LAMA5: variants seen among roughly 807,000 people sequenced by gnomAD.
LAMA5 encodes laminin subunit alpha-5.
LAMA5 carries 260 observed loss-of-function variants against 433.4 expected under a neutral mutation model. The ratio of observed to expected loss-of-function variants is 0.60; its 90% confidence interval spans 0.54 to 0.66. The LOEUF (loss-of-function observed/expected upper bound fraction) is 0.66, where lower values mean the gene tolerates loss of function less well. Ranked by LOEUF, LAMA5 falls within the 30% of genes least tolerant of loss-of-function variation. LAMA5 has a pLI of 0.00. For synonymous variants in LAMA5, 2,620 were observed against 2,226.6 expected, an observed-to-expected ratio of 1.18 and a Z score of -4.97; for missense variants, 5,378 against 5,258.5, an observed-to-expected ratio of 1.02 and a Z score of -0.70.
At chr20:62,350,814 G>A (rs974596615) in intron 6 of LAMA5, among the ~76,000 whole-genome samples, 3 of 152,242 alleles carry the variant, frequency 2.0e-5, no homozygotes, top group Admixed American at 6.5e-5. Flanking sequence ...CCCCGGAACA[G>A]GTGCTCCTGA....
intron 3 of LAMA5, 83 bp from the exon 4 acceptor site, chr20:62,352,443 C>CG: frequency 9.8e-7 from 1 of 1,019,266 alleles, no homozygotes. Context: ...TTGACGTCTC[C>CG]GGGCCTTGCC....
chr20:62,333,310 G>GA (rs747191946), intron 25 of LAMA5, 65 bp downstream of exon 25: 58 of 1,597,012 alleles, frequency 3.6e-5, no homozygotes, highest in Non-Finnish European at 4.6e-5. Context: ...CTGAGTGGGG[G>GA]AAGCCAGGCA....
chr20:62,349,270 CAAAAAAAAA>C (rs35537683), intron 6 of LAMA5, among the ~76,000 whole-genome samples: 3 of 46,588 alleles, frequency 6.4e-5, no homozygotes, highest in African/African-American at 2.1e-4. Context: ...GACTCCATCT[CAAAAAAAAA>C]AAAAAAAAAA....
chr20:62,328,357 G>C lies in LAMA5; in HGVS notation c.4536C>G (p.Cys1512Trp). 1 of 1,591,246 alleles carries C rather than the reference G, an allele frequency of 6.3e-7. No homozygotes were observed. Among genetic ancestry groups the C allele is most frequent in the Non-Finnish European group, 8.6e-7 (1 of 1,169,162 alleles). ...GGTGGCAGCCAAAGGTCTGGGGCTG[G>C]CACAGCAGGCAGTCGGGCGGGATGG... ...PRTIPPDCLL[C>W]QPQTFGCHPL... The change falls in exon 35 of 80, where the codon TGC becomes TGG. Residue 1512 changes from cysteine to tryptophan, a missense_variant. Cys to Trp is a radical substitution (Grantham distance 215, BLOSUM62 -2). Coordinates refer to ENST00000252999, the MANE Select transcript of LAMA5 (RefSeq NM_005560.6).
At chr20:62,316,308 T>A in intron 57 of LAMA5, 2 of 568,854 alleles carry the variant, frequency 3.5e-6, no homozygotes, top group South Asian at 4.3e-5. Context: ...CAATAGAGGC[T>A]CAGAAGAGAC....
chr20:62,326,987 G>GGT (rs1979411940), intron 38 of LAMA5, 21 bp from the exon 39 acceptor site: 2 of 1,550,552 alleles, frequency 1.3e-6, no homozygotes, highest in African/African-American at 2.7e-5. Flanking sequence ...GACAGACAGA[G>GGT]GTGACCTGGC....
chr20:62,333,023 A>C (rs913052273), intron 26 of LAMA5, 67 bp downstream of exon 26: 1 of 1,405,778 alleles, frequency 7.1e-7, no homozygotes, highest in Non-Finnish European at 9.3e-7. Context: ...CCACCGCCAC[A>C]GGACCCCCAG....
At chr20:62,309,534 C>T in intron 79 of LAMA5, 59 bp from the exon 80 acceptor site, 3 of 1,426,258 alleles carry the variant, frequency 2.1e-6, no homozygotes, top group Non-Finnish European at 2.8e-6. Context: ...GACCCACAGG[C>T]CCTTCCCAAA....
At position 62,320,805 on chromosome 20, in the gene LAMA5, GC is replaced by G; in HGVS notation, c.6581del (p.Gly2194AlafsTer15). On this transcript the variant is annotated frameshift_variant, in exon 49 of 80. Transcript: ENST00000252999. LOFTEE classifies it high-confidence loss of function. ...LLPAIHEQLR[G>X]INASSMAWAR... ...CCCAGGCCATGGAGCTGGCATTGAT[GC>G]CACGCAGTTGCTCGTGAATGGCGGG... is the stretch of plus-strand genomic sequence containing the variant. 6.2e-7 allele frequency: 1 copy of G among 1,612,702 alleles called. No individual in the cohort carries two copies. Among genetic ancestry groups the G allele is most frequent in the East Asian group, 2.2e-5 (1 of 44,890 alleles).
chr20:62,346,046 T>C (rs756248533), intron 10 of LAMA5, 35 bp downstream of exon 10: 1 of 1,610,562 alleles, frequency 6.2e-7, no homozygotes, highest in Admixed American at 1.7e-5. Context: ...CAGCAGGCAG[T>C]GGTGTCTGTT....
chr20:62,334,770 C>CGAGGGCGAGGGCGAGGGCGAGGGT (rs1568945990), intron 20 of LAMA5, 149 bp from the exon 21 acceptor site: 7 of 632,654 alleles, frequency 1.1e-5, no homozygotes, highest in African/African-American at 4.2e-5. Context: ...AGGGCGAGGG[C>CGAGGGCGAGGGCGAGGGCGAGGGT]GAGGGTGAGG....
At chr20:62,319,571 T>C in intron 51 of LAMA5, 113 bp downstream of exon 51, 1 of 738,004 alleles carries the variant, frequency 1.4e-6, no homozygotes, top group Non-Finnish European at 2.2e-6. Flanking sequence ...GTCTCCCATC[T>C]AAAAGACAGA....
chr20:62,328,294 G>C lies in LAMA5; in HGVS notation c.4599C>G (p.Pro1533=), dbSNP rs138240481. The change falls in exon 35 of 80, where the codon CCC becomes CCG. Residue 1533 remains proline, a synonymous_variant. Coordinates refer to ENST00000252999, the MANE Select transcript of LAMA5 (RefSeq NM_005560.6). ...VGCEECNCSG[P]GIQELTDPTC... ...TAGGGTCTGTGAGCTCCTGGATGCC[G>C]GGCCCTGAGCAGTTACACTCCTCAC... 6.2e-7 allele frequency: 1 copy of C among 1,607,660 alleles called. No homozygotes were observed. The highest frequency in any genetic ancestry group is 1.3e-5 in the African/African-American group (1 of 75,008).
intron 35 of LAMA5, 80 bp downstream of exon 35, chr20:62,328,161 G>A: frequency 6.6e-7 from 1 of 1,510,910 alleles, no homozygotes; most frequent in East Asian, 2.4e-5. Flanking sequence ...GAGCAGGGTG[G>A]GTGCCAGGAC....
At position 62,367,251 on chromosome 20, in the gene LAMA5, C is replaced by A; in HGVS notation, c.-6G>T. On this transcript the variant is annotated 5_prime_UTR_variant, in exon 1 of 80. Coordinates refer to ENST00000252999, the MANE Select transcript of LAMA5 (RefSeq NM_005560.6). ...GCGCAGAGCCGCTTCGCCATCTTCC[C>A]GGCTCCGGGCCGCGTCCCCGAGCTC... 1 of 1,167,610 alleles carries A rather than the reference C, an allele frequency of 8.6e-7. No homozygotes were observed. The highest frequency in any genetic ancestry group is 3.9e-5 in the South Asian group (1 of 25,358). 72.3% of individuals were successfully genotyped at this position (1,167,610 alleles called of 1,614,324 possible). A position where few individuals can be genotyped will look rare whatever the true frequency, so the allele number is the denominator to read the frequency against.
At chr20:62,320,491 G>C (rs952858320) in intron 50 of LAMA5, 68 bp downstream of exon 50, 1 of 1,216,910 alleles carries the variant, frequency 8.2e-7, no homozygotes, top group Non-Finnish European at 1.2e-6. Flanking sequence ...TGCTGAATGA[G>C]GACAAGCGAA....
In LAMA5 at chr20:62,309,729, G is replaced by A. The variant is rs73916516; in HGVS notation, c.10935C>T (p.Leu3645=). The A allele has an allele frequency of 8.7e-6, 14 of 1,600,370 alleles. No homozygotes were observed. The highest frequency in any genetic ancestry group is 2.2e-5 in the East Asian group (1 of 44,708). ...GGCCGCACTCACCAGGCAGGCCCCCGAGGTACAGAGGGGCTGGGGCACCAG... is the reference window on the plus strand; with the variant it reads ...GGCCGCACTCACCAGGCAGGCCCCCAAGGTACAGAGGGGCTGGGGCACCAG... ...AAAGAPAPLY[L]GGLPEPMAVQ... Residue 3645 remains leucine, a synonymous_variant, in exon 79 of 80, where the codon CTC becomes CTT. Coordinates refer to ENST00000252999, the MANE Select transcript of LAMA5 (RefSeq NM_005560.6).
chr20:62,366,737 G>A (rs570175451), intron 1 of LAMA5, among the ~76,000 whole-genome samples: 24 of 152,344 alleles, frequency 1.6e-4, no homozygotes, highest in African/African-American at 5.5e-4. Flanking sequence ...GTCCATGCCG[G>A]GGACTTTAAT....
intron 2 of LAMA5, among the ~76,000 whole-genome samples, chr20:62,355,832 G>C (rs951843774): frequency 6.6e-5 from 10 of 151,986 alleles, no homozygotes; most frequent in African/African-American, 2.4e-4. Flanking sequence ...GGAAGGACCC[G>C]CTAGAGGTGG....
Sources: allele counts gnomAD v4.1 joint callset (sites outside exome capture counted in the v4.1 genomes callset), GRCh38; gene constraint gnomAD v4.1.1; transcripts MANE v1.5; gene names NCBI Gene and HGNC (gene_info 2026-07-23, HGNC 2026-07-21).